The following DIP2C variants were observed in gnomAD, a reference collection of about 807,000 sequenced individuals.
DIP2C encodes disco-interacting protein 2 homolog C.
In DIP2C, 33 loss-of-function variants were observed where a neutral mutation model predicts 192.4. The ratio of observed to expected loss-of-function variants is 0.17; its 90% CI spans 0.13 to 0.23. DIP2C has a LOEUF of 0.23. Among genes scored for constraint, DIP2C ranks in the 10% least tolerant of loss-of-function variants. The pLI is 1.00. For synonymous variants in DIP2C, 979 were observed against 864.1 expected (o/e 1.13, Z -2.33); for missense variants, 1,537 against 2,110.1 (o/e 0.73, Z 5.32).
chr10:635,199 T>A (rs971347717), intron 1 of DIP2C, among the ~76,000 whole-genome samples: 3 of 152,210 alleles, frequency 2.0e-5, no homozygotes, highest in Non-Finnish European at 2.9e-5. Flanking sequence ...TCTGATTTAA[T>A]GTAGGTGATT....
intron 1 of DIP2C, among the ~76,000 whole-genome samples, chr10:670,916 A>G (rs993218398): frequency 6.6e-6 from 1 of 152,258 alleles, no homozygotes; most frequent in African/African-American, 2.4e-5. Flanking sequence ...GTAAACATGT[A>G]GAGAGAAATG....
chr10:548,208 A>ACCC (rs33930610), intron 1 of DIP2C, among the ~76,000 whole-genome samples: 2,470 of 57,976 alleles, frequency 0.043, 156 homozygotes, highest in Non-Finnish European at 0.062. Context: ...AGTCTGCCCC[A>ACCC]CCCCCCCCCC....
rs150007596 is a variant in DIP2C, at chr10:655,612, A to G, written c.85+33882T>C. Among the ~76,000 whole-genome samples the G allele has an allele frequency of 2.1e-3, 324 of 152,286 alleles. 2 individuals are homozygous for G. The highest frequency in any genetic ancestry group is 7.4e-3 in the African/African-American group (307 of 41,548). Reference sequence around the variant, plus strand: ...CTTTGCGACTCTACTACTGCACACCATGCTATGTAATATTAATACCATGCT... The same window carrying G: ...CTTTGCGACTCTACTACTGCACACCGTGCTATGTAATATTAATACCATGCT... On this transcript the variant is annotated intron_variant, in intron 1 of 36. Transcript: ENST00000280886.
chr10:628,893 C>T (rs1039837489), intron 1 of DIP2C: 4 of 152,448 alleles, frequency 2.6e-5, no homozygotes, highest in Non-Finnish European at 4.4e-5. Flanking sequence ...CACCCCCAGC[C>T]CCAGGTGAGA....
intron 1 of DIP2C, among the ~76,000 whole-genome samples, chr10:569,633 A>C (rs1849660792): frequency 6.6e-6 from 1 of 152,140 alleles, no homozygotes; most frequent in Non-Finnish European, 1.5e-5. Flanking sequence ...AACAAATACC[A>C]CTACACCATC....
chr10:288,509 G>C lies in DIP2C; in HGVS notation c.3987-88C>G, dbSNP rs1316052771. 2.8e-6 allele frequency: 4 copies of C among 1,404,410 alleles called. No homozygotes were observed. In the Admixed American group the frequency reaches 6.9e-5, roughly 24 times the overall value. The allele number at this position is 1,404,410 out of a possible 1,614,324, so 87.0% of individuals were successfully genotyped here. ...TTCACACGAGGTCACGAGCCTGGCA[G>C]CTGTCCGGGAAAGCTGATTCTGAGC... On this transcript the variant is annotated intron_variant, in intron 32 of 36. Transcript: ENST00000280886.
In DIP2C at chr10:276,367, G is replaced by GT. The variant is rs1202872569; in HGVS notation, c.*957dup. 1 of 152,660 alleles carries GT rather than the reference G, an allele frequency of 6.6e-6. No homozygotes were observed. Among genetic ancestry groups the GT allele is most frequent in the African/African-American group, 2.4e-5 (1 of 41,458 alleles). 9.5% of individuals were successfully genotyped at this position (152,660 alleles called of 1,614,324 possible). A position where few individuals can be genotyped will look rare whatever the true frequency, so the allele number is the denominator to read the frequency against. On this transcript the variant is annotated 3_prime_UTR_variant, in exon 37 of 37. Coordinates refer to ENST00000280886, the MANE Select transcript of DIP2C (RefSeq NM_014974.3). ...CTGCGACTGCTGGCAACAGCAGAGTGTATGTGAGTACGGGGGGCACACCAT... is the reference window on the plus strand; with the variant it reads ...CTGCGACTGCTGGCAACAGCAGAGTGTTATGTGAGTACGGGGGGCACACCAT...
At chr10:448,642 C>G (rs1157929808) in intron 3 of DIP2C, among the ~76,000 whole-genome samples, 1 of 120,268 alleles carries the variant, frequency 8.3e-6, no homozygotes, top group African/African-American at 4.6e-5. Flanking sequence ...GGATCACACA[C>G]AGTGGGGCAA....
intron 1 of DIP2C, among the ~76,000 whole-genome samples, chr10:566,690 G>A (rs538502885): frequency 4.6e-5 from 7 of 152,198 alleles, no homozygotes; most frequent in African/African-American, 1.7e-4. Flanking sequence ...CCATGGAGGC[G>A]GTGTTCTCAA....
At chr10:352,826 C>T (rs12572634) in intron 24 of DIP2C, among the ~76,000 whole-genome samples, 12,069 of 152,214 alleles carry the variant, frequency 0.079, 582 homozygotes, top group Middle Eastern at 0.17. Flanking sequence ...CTACACCACA[C>T]GGCAACTCCA....
chr10:564,877 G>T (rs1849380598), intron 1 of DIP2C, among the ~76,000 whole-genome samples: 1 of 152,152 alleles, frequency 6.6e-6, no homozygotes, highest in African/African-American at 2.4e-5. Context: ...CTTCCTAGAA[G>T]ACTCACACAC....
rs1000908568 is a variant in DIP2C at position 613,221 on chromosome 10, A to G, written c.85+76273T>C. Among the ~76,000 whole-genome samples the G allele has an allele frequency of 2.6e-5, 4 of 152,240 alleles. No homozygotes were observed. The South Asian group carries it at 8.3e-4, about 32-fold the overall frequency. Reference sequence around the variant, plus strand: ...TAATTTCATCCCATTAGAACTTTTGAAGAACAGATGTGCACCTGCTCCAAG... The same window carrying G: ...TAATTTCATCCCATTAGAACTTTTGGAGAACAGATGTGCACCTGCTCCAAG... On this transcript the variant is annotated intron_variant, in intron 1 of 36. Coordinates refer to ENST00000280886, the MANE Select transcript of DIP2C (RefSeq NM_014974.3).
At chr10:672,192 C>G (rs1306136829) in intron 1 of DIP2C, among the ~76,000 whole-genome samples, 5 of 151,584 alleles carry the variant, frequency 3.3e-5, no homozygotes, top group Non-Finnish European at 7.4e-5. Flanking sequence ...CACAGACACA[C>G]GGACGAAAGA....
intron 1 of DIP2C, among the ~76,000 whole-genome samples, chr10:617,684 G>A (rs574708835): frequency 1.4e-4 from 20 of 143,586 alleles, no homozygotes; most frequent in African/African-American, 2.1e-4. Context: ...TGCTTGGGGC[G>A]TCTTCCACTT....
At chr10:372,537 G>T (rs562604288) in intron 17 of DIP2C, among the ~76,000 whole-genome samples, 1 of 152,166 alleles carries the variant, frequency 6.6e-6, no homozygotes, top group South Asian at 2.1e-4. Context: ...TATTAGCCAC[G>T]TTAACCTTCA....
chr10:568,496 G>A (rs1419318968), intron 1 of DIP2C, among the ~76,000 whole-genome samples: 7 of 152,038 alleles, frequency 4.6e-5, no homozygotes, highest in South Asian at 2.1e-4. Flanking sequence ...GGCCGGGCGC[G>A]GTGGCTCACG....
rs1554850203 is a variant in DIP2C, at chr10:419,212, A to G, written c.605-13T>C. ...GCAGAATGATTTTCTGTAAAGAAACACATCATGAGATTTTCTGGTGGTTGT... is the reference window on the plus strand; with the variant it reads ...GCAGAATGATTTTCTGTAAAGAAACGCATCATGAGATTTTCTGGTGGTTGT... On this transcript the variant is annotated splice_polypyrimidine_tract_variant and intron_variant, in intron 5 of 36. Transcript: ENST00000280886. 4 of 1,614,128 alleles carry G rather than the reference A, an allele frequency of 2.5e-6. No homozygotes were observed. The Admixed American group carries it at 5.0e-5, about 20-fold the overall frequency.
In DIP2C at chr10:344,841, C is replaced by A; in HGVS notation, c.3421G>T (p.Val1141Leu). The A allele has an allele frequency of 6.2e-7, 1 of 1,601,820 alleles. No individual in the cohort carries two copies. Among genetic ancestry groups the A allele is most frequent in the Non-Finnish European group, 8.5e-7 (1 of 1,175,514 alleles). ...CCAGCTAGCATCCCAGTTGTGGACACGCTGAAGTCGAGATATGCAAGAGTG... is the reference window on the plus strand; with the variant it reads ...CCAGCTAGCATCCCAGTTGTGGACAAGCTGAAGTCGAGATATGCAAGAGTG... ...PDTLAYLDFS[V>L]STTGMLAGVK... Residue 1141 changes from valine to leucine, a missense_variant, in exon 28 of 37, where the codon GTG (valine) becomes TTG (leucine). Coordinates refer to ENST00000280886, the MANE Select transcript of DIP2C (RefSeq NM_014974.3).
At chr10:626,764 G>A (rs1055252739) in intron 1 of DIP2C, among the ~76,000 whole-genome samples, 4 of 139,386 alleles carry the variant, frequency 2.9e-5, no homozygotes, top group African/African-American at 9.9e-5. Flanking sequence ...CCCTCTCACT[G>A]TTGCCCAGGA....
Sources: allele counts gnomAD v4.1 joint callset (sites outside exome capture counted in the v4.1 genomes callset), GRCh38; gene constraint gnomAD v4.1.1; transcripts MANE v1.5; gene names NCBI Gene and HGNC (gene_info 2026-07-23, HGNC 2026-07-21).